The following PTPRN2 variants were observed in gnomAD, a reference collection of about 807,000 sequenced individuals.
PTPRN2 encodes protein tyrosine phosphatase receptor type N2.
Under a neutral mutation model 118.8 loss-of-function variants are expected in PTPRN2, and 74 were observed. The ratio of observed to expected loss-of-function variants is 0.62; its 90% CI spans 0.52 to 0.76. The LOEUF (loss-of-function observed/expected upper bound fraction) is 0.76, where lower values mean the gene tolerates loss of function less well. Among genes scored for constraint, PTPRN2 ranks in the 30% least tolerant of loss-of-function variants. The probability of loss-of-function intolerance (pLI) is 0.00; values close to 1 mark genes in which losing one functional copy is unlikely to be tolerated. For missense variants in PTPRN2, 1,481 were observed against 1,394.4 expected, an observed-to-expected ratio of 1.06 and a Z score of -0.99; for synonymous variants, 641 against 608.0, an observed-to-expected ratio of 1.05 and a Z score of -0.80.
intron 12 of PTPRN2, among the ~76,000 whole-genome samples, chr7:157,727,764 TGTGAGGC>T (rs1799680914): frequency 6.6e-6 from 1 of 152,180 alleles, no homozygotes; most frequent in Admixed American, 6.5e-5. Flanking sequence ...TCACGTAAAG[TGTGAGGC>T]GTGAGCCGTG....
chr7:158,450,404 T>C (rs1299435606), intron 2 of PTPRN2, among the ~76,000 whole-genome samples: 1 of 152,254 alleles, frequency 6.6e-6, no homozygotes, highest in Non-Finnish European at 1.5e-5. Context: ...GATTCATTCT[T>C]GCTTTTTTTA....
At chr7:158,357,714 T>A (rs1262134084) in intron 2 of PTPRN2, among the ~76,000 whole-genome samples, 2 of 152,174 alleles carry the variant, frequency 1.3e-5, no homozygotes, top group Non-Finnish European at 2.9e-5. Flanking sequence ...AGCTCTTATG[T>A]CCCGTAAGGT....
chr7:158,401,533 G>C lies in PTPRN2; in HGVS notation c.164-84601C>G, dbSNP rs558020595. ...GCAGAGAGACCCTGGCCTAGTGCAG[G>C]AGTGGGGCTGCCATGGGACAGCCCC... On this transcript the variant is annotated intron_variant, in intron 2 of 22. Coordinates refer to ENST00000389418, the MANE Select transcript of PTPRN2 (RefSeq NM_002847.5). Among the ~76,000 whole-genome samples the C allele has an allele frequency of 3.5e-4, 53 of 152,324 alleles. 2 individuals are homozygous for C. Among genetic ancestry groups the C allele is most frequent in the Admixed American group, 3.1e-3 (47 of 15,306 alleles).
intron 11 of PTPRN2, among the ~76,000 whole-genome samples, chr7:158,055,611 G>A (rs1191871624): frequency 6.6e-6 from 1 of 152,202 alleles, no homozygotes; most frequent in Non-Finnish European, 1.5e-5. Context: ...TAGCAAATTT[G>A]TGAAAGTACT....
At chr7:158,271,043 GCCT>G (rs1798461772) in intron 3 of PTPRN2, among the ~76,000 whole-genome samples, 1 of 95,332 alleles carries the variant, frequency 1.0e-5, no homozygotes, top group Non-Finnish European at 2.1e-5. Flanking sequence ...CTCCACCTGG[GCCT>G]CCCCCCAACC....
At chr7:158,329,827 C>G (rs906883006) in intron 2 of PTPRN2, among the ~76,000 whole-genome samples, 1 of 152,148 alleles carries the variant, frequency 6.6e-6, no homozygotes, top group Non-Finnish European at 1.5e-5. Flanking sequence ...GAGGCTGTGT[C>G]CTCTACGGAG....
intron 12 of PTPRN2, among the ~76,000 whole-genome samples, chr7:157,850,376 T>A (rs1809183253): frequency 6.6e-6 from 1 of 151,380 alleles, no homozygotes. Context: ...GAATTTCCAT[T>A]TCCGACGTGG....
At position 158,229,640 on chromosome 7, in the gene PTPRN2, G is replaced by A. The variant is rs118081831; in HGVS notation, c.278-24367C>T. Among the ~76,000 whole-genome samples, 635 of 151,832 alleles carry A rather than the reference G, an allele frequency of 4.2e-3. 35 individuals carry two copies. The East Asian group carries it at 0.11, about 27-fold the overall frequency. On this transcript the variant is annotated intron_variant, in intron 3 of 22. Transcript: ENST00000389418. ...TCTCAAAAGCAGAATGGATCAAGCAGAGGAAGGAATCAGTGAGCTCAAAGA... is the reference window on the plus strand; with the variant it reads ...TCTCAAAAGCAGAATGGATCAAGCAAAGGAAGGAATCAGTGAGCTCAAAGA...
rs576890589 is a variant in PTPRN2, at chr7:158,210,260, C to T, written c.278-4987G>A. Among the ~76,000 whole-genome samples, 7 of 146,016 alleles carry T rather than the reference C, an allele frequency of 4.8e-5. 1 individual carries two copies. In the East Asian group the frequency reaches 7.8e-4, roughly 16 times the overall value. ...ACGCCATTCTCCTGCCTCAGCCTCC[C>T]GAGTAGCTGGGACTACAGGCGCCCG... On this transcript the variant is annotated intron_variant, in intron 3 of 22. Coordinates refer to ENST00000389418, the MANE Select transcript of PTPRN2 (RefSeq NM_002847.5).
intron 2 of PTPRN2, among the ~76,000 whole-genome samples, chr7:158,410,147 A>G (rs1455195191): frequency 6.6e-6 from 1 of 152,182 alleles, no homozygotes; most frequent in Non-Finnish European, 1.5e-5. Flanking sequence ...TAAGAAAAAG[A>G]AAAACAGCCC....
intron 11 of PTPRN2, among the ~76,000 whole-genome samples, chr7:157,920,824 AG>A (rs1483945226): frequency 6.6e-6 from 1 of 152,220 alleles, no homozygotes; most frequent in African/African-American, 2.4e-5. Context: ...GAAGATACAA[AG>A]AAAATCTAGG....
At chr7:158,311,118 G>C (rs4909061) in intron 3 of PTPRN2, among the ~76,000 whole-genome samples, 65,416 of 151,970 alleles carry the variant, frequency 0.43, 15,401 homozygotes, top group Admixed American at 0.54. Context: ...AGTGGGCAAG[G>C]AGGAGGCAGA....
chr7:158,036,931 C>A (rs1407039460), intron 11 of PTPRN2, among the ~76,000 whole-genome samples: 1 of 152,044 alleles, frequency 6.6e-6, no homozygotes, highest in African/African-American at 2.4e-5. Flanking sequence ...TTAAGATATA[C>A]AGCATTAGAA....
intron 12 of PTPRN2, among the ~76,000 whole-genome samples, chr7:157,748,717 A>T (rs1801219816): frequency 2.2e-5 from 3 of 135,726 alleles, no homozygotes; most frequent in Admixed American, 7.2e-5. Context: ...GGTGATTCTG[A>T]GGCCTGCGTC....
rs78413068 is a variant in PTPRN2, at chr7:157,813,641, C to A, written c.1788+85032G>T. Among the ~76,000 whole-genome samples the A allele has an allele frequency of 0.044, 6,728 of 152,008 alleles. 279 individuals are homozygous for A. The highest frequency in any genetic ancestry group is 0.21 in the East Asian group (1,104 of 5,176). ...TGCCTCTGGGCGGGTCCGGGGGAGT[C>A]GCATTTCTTCCTCACTGCATCGCTG... On this transcript the variant is annotated intron_variant, in intron 12 of 22. Transcript: ENST00000389418. The surrounding 1 kb of genome is among the most constrained non-coding windows in gnomAD (Gnocchi z 4.7).
chr7:157,945,636 C>A (rs1474377024), intron 11 of PTPRN2, among the ~76,000 whole-genome samples: 1 of 151,584 alleles, frequency 6.6e-6, no homozygotes, highest in Non-Finnish European at 1.5e-5. Context: ...TTGGACGATG[C>A]CGCCTCCAAG....
intron 2 of PTPRN2, among the ~76,000 whole-genome samples, chr7:158,324,129 T>C (rs1803277835): frequency 6.6e-6 from 1 of 151,702 alleles, no homozygotes; most frequent in South Asian, 2.1e-4. Flanking sequence ...ATGCACAAAC[T>C]CACACGCCCA....
At chr7:158,560,262 T>C (rs1248614745) in intron 1 of PTPRN2, among the ~76,000 whole-genome samples, 1 of 152,262 alleles carries the variant, frequency 6.6e-6, no homozygotes, top group Non-Finnish European at 1.5e-5. Context: ...TTATTGTGAA[T>C]AGTGCTGCTA....
intron 14 of PTPRN2, among the ~76,000 whole-genome samples, chr7:157,639,395 T>C (rs974016875): frequency 6.6e-6 from 1 of 152,208 alleles, no homozygotes; most frequent in Non-Finnish European, 1.5e-5. Context: ...CAATGTGATG[T>C]GAGATGAAGC....
Sources: gnomAD v4.1 joint callset for allele counts (sites outside exome capture counted in the v4.1 genomes callset) on GRCh38, gnomAD v4.1.1 for gene constraint, Gnocchi (gnomAD v3.1) non-coding constraint, MANE v1.5 for transcripts, NCBI Gene and HGNC (gene_info 2026-07-23, HGNC 2026-07-21) for gene names.